Variants in DBF4B observed in about 807,000 individuals in gnomAD.
DBF4B encodes DBF4B-CDC7 kinase regulatory subunit.
DBF4B carries 49 observed loss-of-function variants against 53.4 expected under a neutral mutation model. The ratio of observed to expected loss-of-function variants is 0.92; its 90% CI spans 0.73 to 1.16. DBF4B has a LOEUF of 1.16. DBF4B is among the 50% of genes most tolerant of loss of function. DBF4B has a pLI of 0.00. For missense variants in DBF4B, 692 were observed against 775.0 expected (o/e 0.89, Z 1.27); for synonymous variants, 257 against 288.7 (o/e 0.89, Z 1.11).
intron 9 of DBF4B, among the ~76,000 whole-genome samples, chr17:44,740,832 G>A (rs1357992956): frequency 6.6e-6 from 1 of 152,166 alleles, no homozygotes; most frequent in East Asian, 1.9e-4. Context: ...AGTGGTATGA[G>A]TTTGAAAAGT....
intron 2 of DBF4B, among the ~76,000 whole-genome samples, chr17:44,712,522 T>C (rs1017209999): frequency 3.3e-5 from 5 of 151,970 alleles, no homozygotes; most frequent in Non-Finnish European, 7.4e-5. Flanking sequence ...GCTAGGATGG[T>C]CTTGATCTCC....
chr17:44,745,628 C>T (rs955252758), intron 10 of DBF4B, among the ~76,000 whole-genome samples: 23 of 152,208 alleles, frequency 1.5e-4, no homozygotes, highest in African/African-American at 5.3e-4. Flanking sequence ...GTTATCTCCA[C>T]CTGGTCTCTC....
intron 3 of DBF4B, among the ~76,000 whole-genome samples, chr17:44,727,864 A>ATTTTCTTTT (rs1568175162): frequency 3.9e-4 from 42 of 106,686 alleles, no homozygotes; most frequent in Non-Finnish European, 4.6e-4. Context: ...TGCCCGGGTA[A>ATTTTCTTTT]TTTTTTTTTT....
chr17:44,745,368 T>G (rs1976494416), intron 10 of DBF4B, among the ~76,000 whole-genome samples: 1 of 152,250 alleles, frequency 6.6e-6, no homozygotes, highest in Admixed American at 6.5e-5. Flanking sequence ...ATTTTCATAC[T>G]GCTATACAGA....
At chr17:44,710,060 C>T (rs2144733544) in intron 2 of DBF4B, among the ~76,000 whole-genome samples, 1 of 152,016 alleles carries the variant, frequency 6.6e-6, no homozygotes, top group East Asian at 1.9e-4. Context: ...GTAGTCCCAG[C>T]TACTCAGGAG....
At chr17:44,736,972 G>A in intron 8 of DBF4B, 106 bp downstream of exon 8, 1 of 1,346,142 alleles carries the variant, frequency 7.4e-7, no homozygotes, top group East Asian at 2.3e-5. Context: ...GTGGCAGCAA[G>A]CGAGTCCAGG....
rs988998352 is a variant in DBF4B at position 44,732,366 on chromosome 17, C to T, written c.556+101C>T. On this transcript the variant is annotated intron_variant, in intron 6 of 13. Coordinates refer to ENST00000315005, the MANE Select transcript of DBF4B (RefSeq NM_145663.3). ...CATGGTCATGTGAGCTTCTGGTCAC[C>T]GGAAGCCAGAAATACTCAGCTGCCA... The T allele has an allele frequency of 1.0e-5, 13 of 1,271,004 alleles. No homozygotes were observed. In the Admixed American group the frequency reaches 1.3e-4, roughly 12 times the overall value. 78.7% of individuals were successfully genotyped at this position (1,271,004 alleles called of 1,614,324 possible).
chr17:44,739,840 G>A (rs981322722), intron 9 of DBF4B, among the ~76,000 whole-genome samples: 1 of 151,948 alleles, frequency 6.6e-6, no homozygotes, highest in Non-Finnish European at 1.5e-5. Flanking sequence ...GCACAATCTC[G>A]GCTCACTGCA....
At chr17:44,738,862 T>C (rs1276814692) in intron 9 of DBF4B, among the ~76,000 whole-genome samples, 1 of 152,220 alleles carries the variant, frequency 6.6e-6, no homozygotes, top group Admixed American at 6.5e-5. Flanking sequence ...GTACTGGGGA[T>C]TCCCTTGTCA....
Position 44,751,539 on chromosome 17 carries a change from T to A in DBF4B, c.*286T>A. The A allele has an allele frequency of 7.5e-7, 1 of 1,331,650 alleles. No homozygotes were observed. The highest frequency in any genetic ancestry group is 9.6e-7 in the Non-Finnish European group (1 of 1,043,032). 82.5% of individuals were successfully genotyped at this position (1,331,650 alleles called of 1,614,324 possible). ...CTCCAGCCCACCTCGCCAACCACTCTTGTTGGTTTCCTTCTCAGACTTGCC... is the reference window on the plus strand; with the variant it reads ...CTCCAGCCCACCTCGCCAACCACTCATGTTGGTTTCCTTCTCAGACTTGCC... On this transcript the variant is annotated 3_prime_UTR_variant, in exon 14 of 14. Transcript: ENST00000315005.
intron 3 of DBF4B, among the ~76,000 whole-genome samples, chr17:44,726,436 T>C (rs1475971749): frequency 6.6e-6 from 1 of 151,496 alleles, no homozygotes; most frequent in Admixed American, 6.6e-5. Context: ...GTACTTTTTT[T>C]TTAATTTTAG....
intron 2 of DBF4B, 92 bp from the exon 3 acceptor site, chr17:44,722,788 A>T: frequency 7.0e-7 from 1 of 1,429,176 alleles, no homozygotes; most frequent in East Asian, 2.3e-5. Flanking sequence ...CTGTGCTATT[A>T]TAGCACACAG....
chr17:44,748,719 C>T (rs2049178789), intron 13 of DBF4B: 5 of 1,386,706 alleles, frequency 3.6e-6, no homozygotes, highest in Non-Finnish European at 4.8e-6. Flanking sequence ...TTCAGTTCCC[C>T]AGTGGCAGTG....
chr17:44,740,657 G>C (rs1234131565), intron 9 of DBF4B, among the ~76,000 whole-genome samples: 1 of 152,228 alleles, frequency 6.6e-6, no homozygotes, highest in Non-Finnish European at 1.5e-5. Flanking sequence ...CAAATGGGAA[G>C]GTGGGGAAAA....
rs2049288820 is a variant in DBF4B at position 44,752,135 on chromosome 17, T to C, written c.*882T>C. On this transcript the variant is annotated 3_prime_UTR_variant, in exon 14 of 14. Transcript: ENST00000315005. ...TGCTGGGTGGAATGCAGGAGCTAGC[T>C]GCCTCCAACTCACTGTGACCTCAGA... 1 of 781,452 alleles carries C rather than the reference T, an allele frequency of 1.3e-6. No homozygotes were observed. Among genetic ancestry groups the C allele is most frequent in the Non-Finnish European group, 2.1e-6 (1 of 476,836 alleles). 48.4% of individuals were successfully genotyped at this position (781,452 alleles called of 1,614,324 possible). A position where few individuals can be genotyped will look rare whatever the true frequency, so the allele number is the denominator to read the frequency against.
Position 44,751,390 on chromosome 17 carries a change from A to T in DBF4B, c.*137A>T. The T allele has an allele frequency of 2.1e-6, 3 of 1,438,070 alleles. No homozygotes were observed. Among genetic ancestry groups the T allele is most frequent in the Non-Finnish European group, 2.7e-6 (3 of 1,101,086 alleles). The allele number at this position is 1,438,070 out of a possible 1,614,324, so 89.1% of individuals were successfully genotyped here. On this transcript the variant is annotated 3_prime_UTR_variant, in exon 14 of 14. Transcript: ENST00000315005. Reference sequence around the variant, plus strand: ...TCCAGCCCCCTTTCCACATCGCACCAGATGACTTTTACCCAGACCCAGTGG... The same window carrying T: ...TCCAGCCCCCTTTCCACATCGCACCTGATGACTTTTACCCAGACCCAGTGG...
intron 2 of DBF4B, among the ~76,000 whole-genome samples, chr17:44,714,690 T>G (rs967026533): frequency 6.6e-6 from 1 of 152,086 alleles, no homozygotes; most frequent in African/African-American, 2.4e-5. Flanking sequence ...GCTATTTCTA[T>G]TGCTATTATT....
chr17:44,737,432 G>A (rs1975563463), intron 8 of DBF4B, among the ~76,000 whole-genome samples: 1 of 152,174 alleles, frequency 6.6e-6, no homozygotes, highest in African/African-American at 2.4e-5. Context: ...GTCTGTAGGG[G>A]AATTGATTTT....
At chr17:44,709,257 C>G in intron 1 of DBF4B, 47 bp from the exon 2 acceptor site, 1 of 1,612,782 alleles carries the variant, frequency 6.2e-7, no homozygotes, top group Non-Finnish European at 8.5e-7. Context: ...CATGGAAGTT[C>G]CAAGGGTTGG....
Sources: allele counts gnomAD v4.1 joint callset (sites outside exome capture counted in the v4.1 genomes callset), GRCh38; gene constraint gnomAD v4.1.1; transcripts MANE v1.5; gene names NCBI Gene and HGNC (gene_info 2026-07-23, HGNC 2026-07-21).